CCDC6: variants seen among roughly 807,000 people sequenced by gnomAD.
CCDC6 encodes coiled-coil domain containing 6.
CCDC6 carries 20 observed loss-of-function variants against 56.6 expected under a neutral mutation model. The ratio of observed to expected loss-of-function variants is 0.35; its 90% confidence interval spans 0.25 to 0.51. The LOEUF (loss-of-function observed/expected upper bound fraction) is 0.51. Among genes scored for constraint, CCDC6 ranks in the 20% least tolerant of loss-of-function variants. The pLI is 0.95. For missense variants in CCDC6, 367 were observed against 601.1 expected, an observed-to-expected ratio of 0.61 and a Z score of 4.07; for synonymous variants, 241 against 234.4, an observed-to-expected ratio of 1.03 and a Z score of -0.26.
chr10:59,845,052 T>G (rs376778694), intron 2 of CCDC6, among the ~76,000 whole-genome samples: 9 of 152,188 alleles, frequency 5.9e-5, no homozygotes, highest in African/African-American at 1.7e-4. Flanking sequence ...ATTGTAACAT[T>G]TAGAACTACA....
chr10:59,796,466 G>A (rs180748328), intron 7 of CCDC6, among the ~76,000 whole-genome samples: 80 of 152,268 alleles, frequency 5.3e-4, no homozygotes, highest in African/African-American at 1.9e-3. Context: ...GTGAGGATAC[G>A]GAGAAAAAAT....
rs147784055 is a variant in CCDC6, at chr10:59,872,778, A to ATT, written c.304-20077_304-20076insAA. ...CCAGTCAAAGAGGATAACTTTCCAG[A>ATT]TGGGGGGGTGGGGGAAGGTAACAAC... On this transcript the variant is annotated intron_variant, in intron 1 of 8. Transcript: ENST00000263102. Among the ~76,000 whole-genome samples, 21 of 81,726 alleles carry ATT rather than the reference A, an allele frequency of 2.6e-4. No individual in the cohort carries two copies. In the East Asian group the frequency reaches 8.5e-3, roughly 33 times the overall value. The allele number at this position is 81,726 out of a possible 152,430, so 53.6% of individuals were successfully genotyped here.
chr10:59,904,274 C>T (rs1443555837), intron 1 of CCDC6, among the ~76,000 whole-genome samples: 1 of 152,236 alleles, frequency 6.6e-6, no homozygotes, highest in Non-Finnish European at 1.5e-5. Context: ...TGATCTTAAA[C>T]ACCGGGAATG....
rs774749017 is a variant in CCDC6, at chr10:59,794,490, T to C, written c.1213A>G (p.Thr405Ala). 1 of 1,614,044 alleles carries C rather than the reference T, an allele frequency of 6.2e-7. No homozygotes were observed. The highest frequency in any genetic ancestry group is 1.1e-5 in the South Asian group (1 of 91,076). Residue 405 changes from threonine (T) to alanine (A), a missense_variant, in exon 8 of 9, where the codon ACA becomes GCA. Transcript: ENST00000263102. ...ACACTTACTGTGATACCATGGGATGTTCCCATGTGCTGCACGTGAAGACCC... is the reference window on the plus strand; with the variant it reads ...ACACTTACTGTGATACCATGGGATGCTCCCATGTGCTGCACGTGAAGACCC... ...SPGLHVQHMG[T>A]SHGITRPSPR...
intron 7 of CCDC6, among the ~76,000 whole-genome samples, chr10:59,799,860 A>C (rs1249445008): frequency 1.3e-5 from 2 of 152,150 alleles, no homozygotes; most frequent in Non-Finnish European, 2.9e-5. Context: ...GTTCAATGGG[A>C]ATACTGTAGC....
At chr10:59,797,041 A>C (rs2132621588) in intron 7 of CCDC6, among the ~76,000 whole-genome samples, 1 of 152,226 alleles carries the variant, frequency 6.6e-6, no homozygotes, top group Admixed American at 6.5e-5. Context: ...AGAAAATGTG[A>C]TATATATAGA....
At chr10:59,798,991 C>CAAAAAAAA (rs34505959) in intron 7 of CCDC6, among the ~76,000 whole-genome samples, 1 of 76,972 alleles carries the variant, frequency 1.3e-5, no homozygotes. Flanking sequence ...AAGACTGTTT[C>CAAAAAAAA]AAAAAAAAAA....
At position 59,789,964 on chromosome 10, in the gene CCDC6, C is replaced by G; in HGVS notation, c.*2953G>C. On this transcript the variant is annotated 3_prime_UTR_variant, in exon 9 of 9. Transcript: ENST00000263102. ...GTGTCAAAGCCACTTTCTGGTCACA[C>G]ATTCATTCCATGGTTGCTAGTCAGT... The G allele has an allele frequency of 4.6e-6, 1 of 217,446 alleles. No homozygotes were observed. 13.5% of individuals were successfully genotyped at this position (217,446 alleles called of 1,614,324 possible).
chr10:59,828,489 CA>C (rs1449338478), intron 3 of CCDC6, among the ~76,000 whole-genome samples: 1 of 152,188 alleles, frequency 6.6e-6, no homozygotes, highest in African/African-American at 2.4e-5. Context: ...GCTGTTTGAA[CA>C]GGAAAGCAGT....
intron 1 of CCDC6, among the ~76,000 whole-genome samples, chr10:59,854,938 A>G (rs932509951): frequency 2.6e-5 from 4 of 152,354 alleles, no homozygotes; most frequent in African/African-American, 7.2e-5. Flanking sequence ...CTTGGCATTC[A>G]AAAGGGTGTT....
At chr10:59,826,302 G>C (rs1219677143) in intron 3 of CCDC6, among the ~76,000 whole-genome samples, 2 of 152,060 alleles carry the variant, frequency 1.3e-5, no homozygotes, top group African/African-American at 4.8e-5. Context: ...ACTCTATATA[G>C]TACCTGCAAA....
chr10:59,851,690 C>G (rs1204016130), intron 2 of CCDC6, among the ~76,000 whole-genome samples: 1 of 152,074 alleles, frequency 6.6e-6, no homozygotes, highest in Non-Finnish European at 1.5e-5. Context: ...ATATATACTT[C>G]AAGCAAATTA....
intron 4 of CCDC6, among the ~76,000 whole-genome samples, chr10:59,813,229 G>A (rs2070687241): frequency 6.6e-6 from 1 of 152,006 alleles, no homozygotes; most frequent in African/African-American, 2.4e-5. Context: ...CTCCTTGGAG[G>A]GTAAAGTAAC....
At chr10:59,852,526 G>T (rs1250683717) in intron 2 of CCDC6, 27 bp downstream of exon 2, 1 of 1,543,304 alleles carries the variant, frequency 6.5e-7, no homozygotes, top group Non-Finnish European at 8.7e-7. Flanking sequence ...AGGCAGGGAA[G>T]ATGAGGGAGT....
chr10:59,793,449 A>G (rs1178531337), intron 8 of CCDC6, among the ~76,000 whole-genome samples: 2 of 152,174 alleles, frequency 1.3e-5, no homozygotes, highest in Non-Finnish European at 2.9e-5. Context: ...TATCTCCAAT[A>G]AGTTGTCCAC....
chr10:59,811,553 C>G (rs1013953171), intron 5 of CCDC6, among the ~76,000 whole-genome samples: 2 of 152,140 alleles, frequency 1.3e-5, no homozygotes, highest in Non-Finnish European at 2.9e-5. Context: ...TTGTATGTAT[C>G]AGCAGGGGAG....
intron 3 of CCDC6, among the ~76,000 whole-genome samples, chr10:59,828,096 C>T (rs1335797860): frequency 1.3e-5 from 2 of 152,060 alleles, no homozygotes; most frequent in Non-Finnish European, 2.9e-5. Context: ...CCCTAAGTGG[C>T]AGAACATATT....
intron 1 of CCDC6, among the ~76,000 whole-genome samples, chr10:59,877,318 C>T (rs906789104): frequency 1.3e-5 from 2 of 152,064 alleles, no homozygotes; most frequent in African/African-American, 4.8e-5. Flanking sequence ...AGGATGTCTG[C>T]GATCATCAAT....
rs2070843788 is a variant in CCDC6 at position 59,832,635 on chromosome 10, C to T, written c.472G>A (p.Glu158Lys). ...KLMQLQHEKA[E>K]LEQHLEQEQE... ...TCTTGTTCAAGATGCTGTTCTAGTT[C>T]GGCTTTCTCATGCTGCAACTGGAAA... is the stretch of plus-strand genomic sequence containing the variant. Residue 158 changes from glutamate to lysine, a missense_variant, in exon 3 of 9, where the codon GAA (glutamate) becomes AAA (lysine). By Grantham distance (56) the Glu-to-Lys change is moderately conservative. Transcript: ENST00000263102. The T allele has an allele frequency of 6.2e-7, 1 of 1,612,754 alleles. No homozygotes were observed. Among genetic ancestry groups the T allele is most frequent in the Non-Finnish European group, 8.5e-7 (1 of 1,179,594 alleles).
Sources: gnomAD v4.1 joint callset for allele counts (sites outside exome capture counted in the v4.1 genomes callset) on GRCh38, gnomAD v4.1.1 for gene constraint, MANE v1.5 for transcripts, NCBI Gene and HGNC (gene_info 2026-07-23, HGNC 2026-07-21) for gene names.